The following FLI1 variants were observed in gnomAD, a reference collection of about 807,000 sequenced individuals.
The protein encoded by FLI1 is Fli-1 proto-oncogene, ETS transcription factor, also known as Friend leukemia integration 1 transcription factor.
A neutral mutation model predicts 53.1 loss-of-function variants in FLI1; 13 were observed. The observed-to-expected ratio is 0.24, with a 90% CI of 0.16 to 0.39. The LOEUF is 0.39. Among genes scored for constraint, FLI1 ranks in the 10% least tolerant of loss-of-function variants. The pLI, the probability that FLI1 is intolerant of heterozygous loss-of-function variation, is 1.00. For missense variants in FLI1, 424 were observed against 600.5 expected (o/e 0.71, Z 3.07); for synonymous variants, 244 against 236.7 (o/e 1.03, Z -0.28).
At chr11:128,732,337 C>T (rs1012390059) in intron 1 of FLI1, among the ~76,000 whole-genome samples, 13 of 152,182 alleles carry the variant, frequency 8.5e-5, no homozygotes, top group Admixed American at 6.5e-4. Context: ...ACAGAACCAA[C>T]GTGAGTCTAT....
intron 5 of FLI1, among the ~76,000 whole-genome samples, chr11:128,800,354 T>G (rs1022932461): frequency 4.6e-5 from 7 of 152,212 alleles, no homozygotes; most frequent in Middle Eastern, 3.2e-3. Flanking sequence ...CAAGGTTTTA[T>G]GACACAGAGG....
intron 5 of FLI1, chr11:128,804,426 G>A (rs976029427): frequency 6.6e-6 from 1 of 152,222 alleles, no homozygotes; most frequent in Admixed American, 6.5e-5. Context: ...AAGAGAAAGG[G>A]AAGGAAGAAG....
upstream of FLI1, among the ~76,000 whole-genome samples, chr11:128,691,204 A>G (rs1185767667): frequency 6.6e-6 from 1 of 152,186 alleles, no homozygotes; most frequent in African/African-American, 2.4e-5. Flanking sequence ...GGATCAAACC[A>G]TCTTTCCAGA....
intron 1 of FLI1, among the ~76,000 whole-genome samples, chr11:128,708,051 G>A (rs1938626243): frequency 6.6e-6 from 1 of 152,188 alleles, no homozygotes; most frequent in South Asian, 2.1e-4. Flanking sequence ...CACAGTACAA[G>A]CACACTTACA....
chr11:128,791,035 C>T (rs1045026779), intron 5 of FLI1, among the ~76,000 whole-genome samples: 10 of 151,998 alleles, frequency 6.6e-5, no homozygotes, highest in Non-Finnish European at 8.8e-5. Flanking sequence ...TACTCAGACC[C>T]AGTTGAGTCA....
At chr11:128,744,319 T>C (rs760623625) in intron 1 of FLI1, among the ~76,000 whole-genome samples, 2 of 152,190 alleles carry the variant, frequency 1.3e-5, no homozygotes, top group Non-Finnish European at 2.9e-5. Context: ...GTTGAAGACC[T>C]GGAAGGGATC....
At chr11:128,727,430 G>A (rs1023212386) in intron 1 of FLI1, among the ~76,000 whole-genome samples, 1 of 152,226 alleles carries the variant, frequency 6.6e-6, no homozygotes, top group African/African-American at 2.4e-5. Flanking sequence ...GTAAGGAGTT[G>A]GGTGGTCTAG....
At chr11:128,707,725 A>G (rs1938610728) in intron 1 of FLI1, among the ~76,000 whole-genome samples, 1 of 152,206 alleles carries the variant, frequency 6.6e-6, no homozygotes, top group Admixed American at 6.5e-5. Context: ...TTTAGAGCTC[A>G]TCAGAATTAT....
chr11:128,800,413 T>C (rs531106), intron 5 of FLI1, among the ~76,000 whole-genome samples: 76,861 of 151,998 alleles, frequency 0.51, 20,269 homozygotes, highest in African/African-American at 0.67. Context: ...TGCTGGCCTC[T>C]GGTCAGGTCA....
chr11:128,757,318 G>A (rs1377777145), intron 1 of FLI1, among the ~76,000 whole-genome samples: 1 of 151,968 alleles, frequency 6.6e-6, no homozygotes, highest in African/African-American at 2.4e-5. Flanking sequence ...ATGAGTGGGA[G>A]GACCCAACAA....
At chr11:128,757,023 T>G (rs1382720593) in intron 1 of FLI1, among the ~76,000 whole-genome samples, 2 of 152,086 alleles carry the variant, frequency 1.3e-5, no homozygotes, top group Non-Finnish European at 2.9e-5. Context: ...GCTGGGCACA[T>G]GCCACCATAT....
Position 128,810,427 on chromosome 11 carries a change from C to T in FLI1, c.830-32C>T, listed in dbSNP as rs1464281362. The T allele has an allele frequency of 6.4e-7, 1 of 1,562,092 alleles. No individual in the cohort carries two copies. Among genetic ancestry groups the T allele is most frequent in the East Asian group, 2.4e-5 (1 of 42,194 alleles). On this transcript the variant is annotated intron_variant, in intron 8 of 8. Coordinates refer to ENST00000527786, the MANE Select transcript of FLI1 (RefSeq NM_002017.5). The surrounding 1 kb of genome is among the most constrained non-coding windows in gnomAD (Gnocchi z 6.6). ...TCTGCCTTCTCTGGGCTGAGGTGTT[C>T]TGTTCTCTCCCGTTTGCCTCACGGC...
chr11:128,687,214 C>T (rs1937596425), intron 1 of FLI1, among the ~76,000 whole-genome samples: 1 of 152,200 alleles, frequency 6.6e-6, no homozygotes, highest in Non-Finnish European at 1.5e-5. Context: ...TTTGGCCCCG[C>T]CCGCCCTTCG....
chr11:128,712,234 T>C (rs531830874), intron 1 of FLI1, among the ~76,000 whole-genome samples: 4 of 152,338 alleles, frequency 2.6e-5, no homozygotes, highest in African/African-American at 9.6e-5. Flanking sequence ...CTCTTGCTCC[T>C]GCTCTTGCTA....
intron 1 of FLI1, among the ~76,000 whole-genome samples, chr11:128,740,285 T>C (rs183386113): frequency 1.3e-5 from 2 of 152,298 alleles, no homozygotes; most frequent in East Asian, 1.9e-4. Context: ...AAAGAGGAAA[T>C]GTTGTCACGA....
At chr11:128,727,550 G>A (rs1025587402) in intron 1 of FLI1, among the ~76,000 whole-genome samples, 1 of 152,204 alleles carries the variant, frequency 6.6e-6, no homozygotes, top group Non-Finnish European at 1.5e-5. Flanking sequence ...TGCGGAAAGG[G>A]CTGATGTATC....
chr11:128,720,496 C>G (rs1345124743), intron 1 of FLI1, among the ~76,000 whole-genome samples: 2 of 152,158 alleles, frequency 1.3e-5, no homozygotes. Flanking sequence ...ACCAGAAACA[C>G]TGGGGGGTGG....
chr11:128,707,451 G>A (rs1307800968), intron 1 of FLI1, among the ~76,000 whole-genome samples: 1 of 152,172 alleles, frequency 6.6e-6, no homozygotes, highest in East Asian at 1.9e-4. Context: ...AAAGGAGAGG[G>A]AGAAAGAGCA....
At chr11:128,754,715 C>A (rs1157299876) in intron 1 of FLI1, among the ~76,000 whole-genome samples, 1 of 152,190 alleles carries the variant, frequency 6.6e-6, no homozygotes, top group Non-Finnish European at 1.5e-5. Flanking sequence ...TGCAAGGGAG[C>A]TGGATCCAGC....
Sources: allele counts gnomAD v4.1 joint callset (sites outside exome capture counted in the v4.1 genomes callset), GRCh38; gene constraint gnomAD v4.1.1; non-coding constraint Gnocchi (gnomAD v3.1); transcripts MANE v1.5; gene names NCBI Gene and HGNC (gene_info 2026-07-23, HGNC 2026-07-21).